PRKN: variants seen among roughly 807,000 people sequenced by gnomAD.
PRKN encodes the protein parkin RBR E3 ubiquitin protein ligase.
PRKN carries 56 observed loss-of-function variants against 59.5 expected under a neutral mutation model. The observed-to-expected ratio is 0.94, with a 90% CI of 0.76 to 1.18. PRKN has a LOEUF of 1.18. Ranked by LOEUF, PRKN falls within the 50% of genes most tolerant of loss-of-function variation. The pLI is 0.00. For missense variants in PRKN, 657 were observed against 596.4 expected (o/e 1.10, Z -1.06); for synonymous variants, 250 against 222.1 (o/e 1.13, Z -1.12).
Position 161,546,057 on chromosome 6 carries a change from A to G in PRKN, c.1083+2797T>C, listed in dbSNP as rs77563531. ...GATCTGACTACATCCTGGATTCTAG[A>G]CTATTTGGAAGAGTATATCCAATGA... On this transcript the variant is annotated intron_variant, in intron 9 of 11. Coordinates refer to ENST00000366898, the MANE Select transcript of PRKN (RefSeq NM_004562.3). The surrounding 1 kb of genome is among the most constrained non-coding windows in gnomAD (Gnocchi z 4.4). Among the ~76,000 whole-genome samples the G allele has an allele frequency of 0.015, 2,325 of 152,316 alleles. 58 individuals carry two copies. Among genetic ancestry groups the G allele is most frequent in the African/African-American group, 0.052 (2,172 of 41,558 alleles).
intron 5 of PRKN, among the ~76,000 whole-genome samples, chr6:162,008,441 CCTCA>C (rs1348691381): frequency 4.6e-5 from 7 of 152,226 alleles, no homozygotes; most frequent in South Asian, 4.1e-4. Context: ...ATTCCTCAGG[CCTCA>C]CTAAGTACTC....
chr6:161,394,047 A>G (rs374246721), intron 9 of PRKN, among the ~76,000 whole-genome samples: 1 of 152,158 alleles, frequency 6.6e-6, no homozygotes, highest in East Asian at 1.9e-4. Flanking sequence ...GGAATCTATC[A>G]AGAGAGGAAG....
At chr6:161,868,760 T>C (rs958186812) in intron 6 of PRKN, among the ~76,000 whole-genome samples, 6 of 152,142 alleles carry the variant, frequency 3.9e-5, no homozygotes, top group Non-Finnish European at 8.8e-5. Context: ...ATATAAATTA[T>C]ACATCAGATA....
At chr6:162,392,092 CCT>C (rs1787230951) in intron 2 of PRKN, among the ~76,000 whole-genome samples, 1 of 151,726 alleles carries the variant, frequency 6.6e-6, no homozygotes, top group African/African-American at 2.4e-5. Flanking sequence ...GGTTGTACAC[CCT>C]GTTTTCATTG....
intron 7 of PRKN, among the ~76,000 whole-genome samples, chr6:161,671,508 G>A (rs985992487): frequency 6.6e-6 from 1 of 152,176 alleles, no homozygotes; most frequent in Admixed American, 6.5e-5. Context: ...TAAATTAAGT[G>A]TGATGCTGGA....
chr6:161,440,205 G>A lies in PRKN; in HGVS notation c.1084-53328C>T, dbSNP rs534649713. ...CCTGACCTCGTGATCCGCCCGTCTC[G>A]GCCTCCCAAAGTGCTGGGATTACAG... On this transcript the variant is annotated intron_variant, in intron 9 of 11. Transcript: ENST00000366898. This position sits in a 1 kb window ranked among gnomAD's most constrained non-coding sequence, Gnocchi z 4.1. Among the ~76,000 whole-genome samples, 11 of 151,988 alleles carry A rather than the reference G, an allele frequency of 7.2e-5. No individual in the cohort carries two copies. Among genetic ancestry groups the A allele is most frequent in the Non-Finnish European group, 1.3e-4 (9 of 67,968 alleles).
chr6:162,581,739 A>C (rs565000234), intron 1 of PRKN, among the ~76,000 whole-genome samples: 1 of 151,482 alleles, frequency 6.6e-6, no homozygotes, highest in Admixed American at 6.6e-5. Context: ...AGCCTGGGCA[A>C]CAAGAGTGAA....
At chr6:161,969,728 T>C (rs1319324554) in intron 6 of PRKN, among the ~76,000 whole-genome samples, 1 of 152,194 alleles carries the variant, frequency 6.6e-6, no homozygotes, top group Non-Finnish European at 1.5e-5. Flanking sequence ...TATTTACAGA[T>C]AAATTAATAC....
intron 7 of PRKN, among the ~76,000 whole-genome samples, chr6:161,747,926 T>C (rs1364387786): frequency 1.3e-5 from 2 of 152,242 alleles, no homozygotes; most frequent in Non-Finnish European, 2.9e-5. Flanking sequence ...CTTTAACTAC[T>C]ATAAGGAGAA....
At position 161,637,152 on chromosome 6, in the gene PRKN, T is replaced by C. The variant is rs553194800; in HGVS notation, c.872-67736A>G. Among the ~76,000 whole-genome samples, 4 of 152,300 alleles carry C rather than the reference T, an allele frequency of 2.6e-5. No homozygotes were observed. In the South Asian group the frequency reaches 8.3e-4, roughly 32 times the overall value. ...AAATCATGCTGAAATTGGAAGTGTG[T>C]CTGCTGAGGATCTGAGGTTTTTCTA... On this transcript the variant is annotated intron_variant, in intron 7 of 11. Transcript: ENST00000366898.
chr6:161,479,825 G>A (rs1191122305), intron 9 of PRKN, among the ~76,000 whole-genome samples: 1 of 152,154 alleles, frequency 6.6e-6, no homozygotes, highest in African/African-American at 2.4e-5. Flanking sequence ...TGACAGTGTG[G>A]GGCTGGTCTC....
At chr6:161,712,089 G>A (rs1786774231) in intron 7 of PRKN, among the ~76,000 whole-genome samples, 1 of 152,164 alleles carries the variant, frequency 6.6e-6, no homozygotes, top group East Asian at 1.9e-4. Context: ...TATTAGTTCT[G>A]TCCCTCTAGA....
chr6:162,561,563 AAAAAAC>A (rs1164883826), intron 1 of PRKN, among the ~76,000 whole-genome samples: 1 of 152,176 alleles, frequency 6.6e-6, no homozygotes, highest in African/African-American at 2.4e-5. Flanking sequence ...AAGTGATTTA[AAAAAAC>A]AAAAACAAAA....
chr6:162,184,693 G>C (rs2128324199), intron 4 of PRKN, among the ~76,000 whole-genome samples: 1 of 152,238 alleles, frequency 6.6e-6, no homozygotes, highest in South Asian at 2.1e-4. Flanking sequence ...CTTCATAGCA[G>C]CGTGAGAACG....
rs1476319991 is a variant in PRKN, at chr6:161,467,032, T to C, written c.1084-80155A>G. Among the ~76,000 whole-genome samples the C allele has an allele frequency of 6.6e-6, 1 of 152,226 alleles. No homozygotes were observed. Among genetic ancestry groups the C allele is most frequent in the Non-Finnish European group, 1.5e-5 (1 of 68,036 alleles). On this transcript the variant is annotated intron_variant, in intron 9 of 11. Transcript: ENST00000366898. The surrounding 1 kb of genome is among the most constrained non-coding windows in gnomAD (Gnocchi z 4.3). ...GCCAACTTCTCTCTGCAGAATGTTC[T>C]ACATCCCAGAAACCAGGATTGTTTG...
At chr6:162,286,385 A>G (rs1259470303) in intron 2 of PRKN, among the ~76,000 whole-genome samples, 2 of 152,148 alleles carry the variant, frequency 1.3e-5, no homozygotes, top group African/African-American at 4.8e-5. Flanking sequence ...TTTGTGCTAC[A>G]TACCACCTCC....
At position 161,440,095 on chromosome 6, in the gene PRKN, C is replaced by T. The variant is rs149153866; in HGVS notation, c.1084-53218G>A. ...CCTCCTGAGTAGCTGGGACTACAGG[C>T]GCCCACCACCACGCCCGGCTAATTT... is the stretch of plus-strand genomic sequence containing the variant. On this transcript the variant is annotated intron_variant, in intron 9 of 11. Transcript: ENST00000366898. This position sits in a 1 kb window ranked among gnomAD's most constrained non-coding sequence, Gnocchi z 4.1. Among the ~76,000 whole-genome samples the T allele has an allele frequency of 6.3e-3, 958 of 151,972 alleles. 14 individuals are homozygous for T. Among genetic ancestry groups the T allele is most frequent in the East Asian group, 0.056 (287 of 5,134 alleles).
intron 1 of PRKN, among the ~76,000 whole-genome samples, chr6:162,527,618 C>A (rs1349927565): frequency 1.3e-5 from 2 of 152,120 alleles, no homozygotes; most frequent in African/African-American, 2.4e-5. Flanking sequence ...TTCGTTACGA[C>A]TGGTTAAAAC....
intron 6 of PRKN, among the ~76,000 whole-genome samples, chr6:161,863,637 G>C (rs1372667880): frequency 6.6e-6 from 1 of 152,092 alleles, no homozygotes; most frequent in Non-Finnish European, 1.5e-5. Flanking sequence ...CATACACCTG[G>C]GCAAGGGGCT....
Sources: gnomAD v4.1 joint callset for allele counts (sites outside exome capture counted in the v4.1 genomes callset) on GRCh38, gnomAD v4.1.1 for gene constraint, Gnocchi (gnomAD v3.1) non-coding constraint, MANE v1.5 for transcripts, NCBI Gene and HGNC (gene_info 2026-07-23, HGNC 2026-07-21) for gene names.